The following JAKMIP1 variants were observed in gnomAD, a reference collection of about 807,000 sequenced individuals.
JAKMIP1 encodes the protein janus kinase and microtubule-interacting protein 1.
Under a neutral mutation model 113.0 loss-of-function variants are expected in JAKMIP1, and 33 were observed. That is an observed-to-expected ratio of 0.29 (90% CI 0.22 to 0.39). The LOEUF (loss-of-function observed/expected upper bound fraction) is 0.39. Among genes scored for constraint, JAKMIP1 ranks in the 10% least tolerant of loss-of-function variants. The pLI is 1.00. For missense variants in JAKMIP1, 813 were observed against 1,080.5 expected (o/e 0.75, Z 3.47); for synonymous variants, 480 against 459.9 (o/e 1.04, Z -0.56).
chr4:6,158,599 T>C lies in JAKMIP1; in HGVS notation c.-148+41654A>G, dbSNP rs1259763903. Among the ~76,000 whole-genome samples the C allele has an allele frequency of 6.6e-6, 1 of 152,118 alleles. No homozygotes were observed. The highest frequency in any genetic ancestry group is 6.5e-5 in the Admixed American group (1 of 15,278). ...TGCGGGAGTGGTCAACTCCATCCCATAGGGCCATTTCTCCACCCCCCACCC... is the reference window on the plus strand; with the variant it reads ...TGCGGGAGTGGTCAACTCCATCCCACAGGGCCATTTCTCCACCCCCCACCC... On this transcript the variant is annotated intron_variant, in intron 1 of 20. Coordinates refer to ENST00000409021, the MANE Select transcript of JAKMIP1 (RefSeq NM_001099433.2). The surrounding 1 kb of genome is among the most constrained non-coding windows in gnomAD (Gnocchi z 5.3).
chr4:6,115,831 G>A (rs961590815), intron 1 of JAKMIP1, among the ~76,000 whole-genome samples: 6 of 152,220 alleles, frequency 3.9e-5, no homozygotes, highest in Non-Finnish European at 7.3e-5. Context: ...CGGCCTCGCA[G>A]GCAGGATGGG....
chr4:6,125,791 C>T (rs1717391624), intron 1 of JAKMIP1, among the ~76,000 whole-genome samples: 1 of 137,524 alleles, frequency 7.3e-6, no homozygotes, highest in Non-Finnish European at 1.5e-5. Context: ...GAAACACACA[C>T]ACACCATACA....
rs939084726 is a variant in JAKMIP1, at chr4:6,188,708, T to G, written c.-148+11545A>C. On this transcript the variant is annotated intron_variant, in intron 1 of 20. Transcript: ENST00000409021. This position sits in a 1 kb window ranked among gnomAD's most constrained non-coding sequence, Gnocchi z 5.8. The stretch of plus-strand genomic sequence containing the variant: ...GGCTAGAGCACCCCAATTTTTAATA[T>G]CCTATCCAGCAATAAGACTTGTTTG... Among the ~76,000 whole-genome samples, 5 of 152,158 alleles carry G rather than the reference T, an allele frequency of 3.3e-5. No individual in the cohort carries two copies. Among genetic ancestry groups the G allele is most frequent in the Admixed American group, 2.6e-4 (4 of 15,274 alleles).
chr4:6,127,474 C>A (rs1405759297), intron 1 of JAKMIP1, among the ~76,000 whole-genome samples: 1 of 152,200 alleles, frequency 6.6e-6, no homozygotes, highest in Non-Finnish European at 1.5e-5. Flanking sequence ...ACAGGCTGGG[C>A]CCAGCAGGGG....
Position 6,140,123 on chromosome 4 carries a change from T to G in JAKMIP1, c.-147-27126A>C, listed in dbSNP as rs1378465120. The stretch of plus-strand genomic sequence containing the variant: ...TGTACTGAGAATAGCTATGAACTAT[T>G]GTCCCAGTTTTTTGGAGACCAATTT... On this transcript the variant is annotated intron_variant, in intron 1 of 20. Coordinates refer to ENST00000409021, the MANE Select transcript of JAKMIP1 (RefSeq NM_001099433.2). The surrounding 1 kb of genome is among the most constrained non-coding windows in gnomAD (Gnocchi z 9.4). 6.6e-6 allele frequency among the ~76,000 whole-genome samples: 1 copy of G among 152,190 alleles called. No homozygotes were observed. Among genetic ancestry groups the G allele is most frequent in the Non-Finnish European group, 1.5e-5 (1 of 68,048 alleles).
intron 8 of JAKMIP1, among the ~76,000 whole-genome samples, chr4:6,066,832 G>A (rs1404451771): frequency 6.6e-6 from 1 of 152,026 alleles, no homozygotes; most frequent in Admixed American, 6.6e-5. Context: ...AGTGGTCTGC[G>A]AGGCCCTACA....
In JAKMIP1 at chr4:6,150,989, A is replaced by C. The variant is rs761302983; in HGVS notation, c.-147-37992T>G. ...AAACACCTGGTGAAGGCTGCTGGGG[A>C]TGGCAGCTCTTTCTCCCCAAGCTTT... is the stretch of plus-strand genomic sequence containing the variant. On this transcript the variant is annotated intron_variant, in intron 1 of 20. Coordinates refer to ENST00000409021, the MANE Select transcript of JAKMIP1 (RefSeq NM_001099433.2). The surrounding 1 kb of genome is among the most constrained non-coding windows in gnomAD (Gnocchi z 4.8). Among the ~76,000 whole-genome samples, 1 of 151,990 alleles carries C rather than the reference A, an allele frequency of 6.6e-6. No homozygotes were observed. Among genetic ancestry groups the C allele is most frequent in the Non-Finnish European group, 1.5e-5 (1 of 67,996 alleles).
In JAKMIP1 at chr4:6,040,973, C is replaced by T. The variant is rs1714232059; in HGVS notation, c.2098-257G>A. ...CTCCTGCTTCCCTGCCTCTTGGGTA[C>T]CTGACTGTAAAGAAGGGACCCACCT... On this transcript the variant is annotated intron_variant, in intron 17 of 20. Coordinates refer to ENST00000409021, the MANE Select transcript of JAKMIP1 (RefSeq NM_001099433.2). This position sits in a 1 kb window ranked among gnomAD's most constrained non-coding sequence, Gnocchi z 5.8. Among the ~76,000 whole-genome samples, 2 of 152,066 alleles carry T rather than the reference C, an allele frequency of 1.3e-5. No individual in the cohort carries two copies. Among genetic ancestry groups the T allele is most frequent in the Admixed American group, 1.3e-4 (2 of 15,270 alleles).
rs554157197 is a variant in JAKMIP1, at chr4:6,070,446, G to A, written c.1303-5438C>T. 3.3e-5 allele frequency among the ~76,000 whole-genome samples: 5 copies of A among 152,356 alleles called. No homozygotes were observed. In the South Asian group the frequency reaches 8.3e-4, roughly 25 times the overall value. On this transcript the variant is annotated intron_variant, in intron 8 of 20. Coordinates refer to ENST00000409021, the MANE Select transcript of JAKMIP1 (RefSeq NM_001099433.2). The stretch of plus-strand genomic sequence containing the variant: ...CCCAGATGCTGGCCACGCCAACCGC[G>A]GGCTGAAGGGAGAGGTTTCCAGGGG...
chr4:6,109,341 G>C (rs1045989153), intron 2 of JAKMIP1, among the ~76,000 whole-genome samples: 7 of 151,744 alleles, frequency 4.6e-5, no homozygotes, highest in Non-Finnish European at 1.0e-4. Flanking sequence ...CACTGTGTTA[G>C]CCAGGATGGT....
intron 16 of JAKMIP1, among the ~76,000 whole-genome samples, chr4:6,046,393 T>C (rs182088546): frequency 6.2e-4 from 95 of 152,314 alleles, no homozygotes; most frequent in African/African-American, 2.0e-3. Flanking sequence ...CTGGTTTAAG[T>C]CTATTCCTCA....
chr4:6,033,511 AC>A (rs1397837917), intron 19 of JAKMIP1, among the ~76,000 whole-genome samples: 1 of 152,226 alleles, frequency 6.6e-6, no homozygotes, highest in African/African-American at 2.4e-5. Context: ...CTTTGTGAGC[AC>A]TTTAGATAAA....
At chr4:6,130,902 G>T (rs1189198967) in intron 1 of JAKMIP1, among the ~76,000 whole-genome samples, 1 of 151,876 alleles carries the variant, frequency 6.6e-6, no homozygotes, top group Non-Finnish European at 1.5e-5. Flanking sequence ...AGTCAGGCGC[G>T]ATGGTTCAAA....
chr4:6,054,646 G>A (rs1033734186), intron 12 of JAKMIP1: 10 of 429,650 alleles, frequency 2.3e-5, no homozygotes, highest in South Asian at 1.2e-4. Context: ...GTAAAGGCAG[G>A]AGTTCTCTGA....
At chr4:6,152,656 T>A (rs1721711806) in intron 1 of JAKMIP1, among the ~76,000 whole-genome samples, 1 of 152,102 alleles carries the variant, frequency 6.6e-6, no homozygotes, top group Non-Finnish European at 1.5e-5. Context: ...GAAGTGGGCA[T>A]CCTGGCCGAG....
At chr4:6,074,195 G>A (rs142776408) in intron 8 of JAKMIP1, among the ~76,000 whole-genome samples, 53 of 152,342 alleles carry the variant, frequency 3.5e-4, no homozygotes, top group African/African-American at 8.7e-4. Context: ...GGACACAAAC[G>A]CTCCGGGAAG....
Position 6,141,665 on chromosome 4 carries a change from G to A in JAKMIP1, c.-147-28668C>T, listed in dbSNP as rs916874188. On this transcript the variant is annotated intron_variant, in intron 1 of 20. Coordinates refer to ENST00000409021, the MANE Select transcript of JAKMIP1 (RefSeq NM_001099433.2). The surrounding 1 kb of genome is among the most constrained non-coding windows in gnomAD (Gnocchi z 9.4). ...ACATGATTCTCCATCTTAACTTGCC[G>A]GTAGCTGGCCCAGCCCTGGTCCACA... 5.9e-5 allele frequency among the ~76,000 whole-genome samples: 9 copies of A among 152,100 alleles called. No individual in the cohort carries two copies. Among genetic ancestry groups the A allele is most frequent in the East Asian group, 1.9e-4 (1 of 5,196 alleles).
rs1726299926 is a variant in JAKMIP1 at position 6,183,513 on chromosome 4, A to G, written c.-148+16740T>C. On this transcript the variant is annotated intron_variant, in intron 1 of 20. Coordinates refer to ENST00000409021, the MANE Select transcript of JAKMIP1 (RefSeq NM_001099433.2). The surrounding 1 kb of genome is among the most constrained non-coding windows in gnomAD (Gnocchi z 5.3). ...ATAAATAAATAAATAAATAAATTTA[A>G]AAAAGAAAGTAAAATGGAACAGAAA... is the stretch of plus-strand genomic sequence containing the variant. Among the ~76,000 whole-genome samples the G allele has an allele frequency of 8.8e-5, 1 of 11,320 alleles. No individual in the cohort carries two copies. The allele number at this position is 11,320 out of a possible 152,430, so 7.4% of individuals were successfully genotyped here.
In JAKMIP1 at chr4:6,064,742, A is replaced by G. The variant is rs567915813; in HGVS notation, c.1431+138T>C. 9.1e-7 allele frequency: 1 copy of G among 1,103,834 alleles called. No individual in the cohort carries two copies. Among genetic ancestry groups the G allele is most frequent in the African/African-American group, 1.6e-5 (1 of 63,348 alleles). The allele number at this position is 1,103,834 out of a possible 1,614,324, so 68.4% of individuals were successfully genotyped here. A position where few individuals can be genotyped will look rare whatever the true frequency, so the allele number is the denominator to read the frequency against. On this transcript the variant is annotated intron_variant, in intron 9 of 20. Coordinates refer to ENST00000409021, the MANE Select transcript of JAKMIP1 (RefSeq NM_001099433.2). The surrounding 1 kb of genome is among the most constrained non-coding windows in gnomAD (Gnocchi z 4.3). ...CCTTCCCTTCACACCATTGGCTTTGATAATGCACTGGTAGGAACTGGTCAT... is the reference window on the plus strand; with the variant it reads ...CCTTCCCTTCACACCATTGGCTTTGGTAATGCACTGGTAGGAACTGGTCAT...
Sources: gnomAD v4.1 joint callset for allele counts (sites outside exome capture counted in the v4.1 genomes callset) on GRCh38, gnomAD v4.1.1 for gene constraint, Gnocchi (gnomAD v3.1) non-coding constraint, MANE v1.5 for transcripts, NCBI Gene and HGNC (gene_info 2026-07-23, HGNC 2026-07-21) for gene names.